CDH12: variants seen among roughly 807,000 people sequenced by gnomAD.
The protein encoded by CDH12 is cadherin 12, also known as cadherin-12.
CDH12 carries 41 observed loss-of-function variants against 74.1 expected under a neutral mutation model. That is an observed-to-expected ratio of 0.55 (90% CI 0.43 to 0.72). The LOEUF is 0.72. CDH12 is among the 30% of genes least tolerant of loss of function. The pLI is 0.00. For missense variants in CDH12, 945 were observed against 977.2 expected (o/e 0.97, Z 0.44); for synonymous variants, 399 against 355.0 (o/e 1.12, Z -1.39).
rs1172195907 is a variant in CDH12, at chr5:22,516,206, T to C, written c.-522-10842A>G. On this transcript the variant is annotated intron_variant, in intron 1 of 14. Transcript: ENST00000382254. ...TGAGAATGTGGCAAACAATTGAATA[T>C]TCATATAATACTGACAAAAATATAA... Among the ~76,000 whole-genome samples the C allele has an allele frequency of 2.6e-5, 4 of 152,204 alleles. No homozygotes were observed. The East Asian group carries it at 5.8e-4, about 22-fold the overall frequency.
chr5:22,273,702 A>C (rs531985172), intron 3 of CDH12, among the ~76,000 whole-genome samples: 17 of 152,274 alleles, frequency 1.1e-4, no homozygotes. Context: ...AAAGTTATCA[A>C]AATGTGTTGC....
chr5:22,028,515 C>T (rs1307746987), intron 5 of CDH12, among the ~76,000 whole-genome samples: 2 of 152,112 alleles, frequency 1.3e-5, no homozygotes, highest in African/African-American at 4.8e-5. Flanking sequence ...TTCACAATTG[C>T]TTCAAAGAGA....
At chr5:22,492,865 T>G (rs1376966582) in intron 2 of CDH12, among the ~76,000 whole-genome samples, 2 of 152,082 alleles carry the variant, frequency 1.3e-5, no homozygotes, top group East Asian at 3.9e-4. Flanking sequence ...AATCCTGCCA[T>G]TTCCTTGCTC....
intron 1 of CDH12, among the ~76,000 whole-genome samples, chr5:22,594,097 C>G (rs1736478251): frequency 6.6e-6 from 1 of 152,074 alleles, no homozygotes; most frequent in Non-Finnish European, 1.5e-5. Flanking sequence ...GGCCTGATAC[C>G]CAAAAAGGAA....
At chr5:22,578,090 A>G (rs566565477) in intron 1 of CDH12, among the ~76,000 whole-genome samples, 2 of 152,306 alleles carry the variant, frequency 1.3e-5, no homozygotes, top group South Asian at 2.1e-4. Flanking sequence ...AAGTATTGTC[A>G]TCACTCTTAC....
At chr5:21,778,417 CATATGTTGTG>C (rs1401481277) in intron 11 of CDH12, among the ~76,000 whole-genome samples, 1 of 127,344 alleles carries the variant, frequency 7.9e-6, no homozygotes, top group Non-Finnish European at 1.6e-5. Context: ...ACTCACTTCT[CATATGTTGTG>C]ATAATATCAT....
intron 1 of CDH12, among the ~76,000 whole-genome samples, chr5:22,655,442 T>G (rs1205063128): frequency 6.6e-6 from 1 of 152,244 alleles, no homozygotes; most frequent in Non-Finnish European, 1.5e-5. Context: ...ATTTAATACA[T>G]GATTACTTCA....
intron 1 of CDH12, among the ~76,000 whole-genome samples, chr5:22,747,873 A>C (rs897145316): frequency 2.0e-5 from 3 of 152,158 alleles, no homozygotes; most frequent in Admixed American, 2.0e-4. Context: ...TAGCTATAGG[A>C]ATAGGGTGTG....
chr5:22,725,294 T>A (rs1744103243), intron 1 of CDH12, among the ~76,000 whole-genome samples: 1 of 151,934 alleles, frequency 6.6e-6, no homozygotes. Flanking sequence ...AAATTTATGA[T>A]AGTAGCTATT....
At chr5:22,184,768 C>A (rs1749839320) in intron 4 of CDH12, among the ~76,000 whole-genome samples, 1 of 152,136 alleles carries the variant, frequency 6.6e-6, no homozygotes, top group South Asian at 2.1e-4. Context: ...TCATTCCCCC[C>A]AACAGTAGTC....
intron 3 of CDH12, among the ~76,000 whole-genome samples, chr5:22,232,498 A>T (rs935295521): frequency 2.0e-5 from 3 of 152,090 alleles, no homozygotes; most frequent in African/African-American, 4.8e-5. Flanking sequence ...GAATCATTGC[A>T]TCTAGCAACG....
At chr5:22,460,894 T>C (rs1267750541) in intron 2 of CDH12, among the ~76,000 whole-genome samples, 1 of 150,854 alleles carries the variant, frequency 6.6e-6, no homozygotes, top group Non-Finnish European at 1.5e-5. Flanking sequence ...CTAGTATTTG[T>C]ATTTTTAGTA....
rs11465147 is a variant in CDH12 at position 21,771,196 on chromosome 5, G to GTT, written c.1394-6099_1394-6098dup. Among the ~76,000 whole-genome samples, 350 of 147,740 alleles carry GTT rather than the reference G, an allele frequency of 2.4e-3. 5 individuals are homozygous for GTT. The highest frequency in any genetic ancestry group is 0.015 in the East Asian group (78 of 5,046). On this transcript the variant is annotated intron_variant, in intron 11 of 14. Coordinates refer to ENST00000382254, the MANE Select transcript of CDH12 (RefSeq NM_004061.5). ...ATGTACCCTTGAACCTAAAATGAAA[G>GTT]TTTTTTTTTTTTAAAGTTAAAATTC...
chr5:22,275,438 G>C (rs1002127505), intron 3 of CDH12, among the ~76,000 whole-genome samples: 1 of 152,058 alleles, frequency 6.6e-6, no homozygotes, highest in Admixed American at 6.6e-5. Flanking sequence ...ACTCAATCAT[G>C]TTATGAAAAT....
At chr5:21,813,417 T>C (rs1747862249) in intron 9 of CDH12, among the ~76,000 whole-genome samples, 1 of 152,008 alleles carries the variant, frequency 6.6e-6, no homozygotes, top group South Asian at 2.1e-4. Flanking sequence ...GAGACAGAGG[T>C]TGCAGTGAGC....
chr5:22,041,285 A>G (rs1362053459), intron 5 of CDH12, among the ~76,000 whole-genome samples: 1 of 152,136 alleles, frequency 6.6e-6, no homozygotes, highest in Non-Finnish European at 1.5e-5. Flanking sequence ...ACAACTAGAA[A>G]GCAACTGACA....
At chr5:22,292,672 A>G (rs546616761) in intron 3 of CDH12, among the ~76,000 whole-genome samples, 2 of 151,828 alleles carry the variant, frequency 1.3e-5, no homozygotes, top group Non-Finnish European at 2.9e-5. Flanking sequence ...GGTAAATAAA[A>G]CTTGCTTAAC....
Position 22,621,660 on chromosome 5 carries a change from T to C in CDH12, c.-522-116296A>G, listed in dbSNP as rs74920055. On this transcript the variant is annotated intron_variant, in intron 1 of 14. Coordinates refer to ENST00000382254, the MANE Select transcript of CDH12 (RefSeq NM_004061.5). ...ATCAAGAAAATAAGAAATGTGTTCA[T>C]TGATAACATTAGAAATAATAAATAC... Among the ~76,000 whole-genome samples the C allele has an allele frequency of 9.6e-4, 146 of 152,236 alleles. 1 individual carries two copies. In the East Asian group the frequency reaches 0.026, roughly 27 times the overall value.
At chr5:22,132,264 GTC>G (rs1473205040) in intron 4 of CDH12, among the ~76,000 whole-genome samples, 4 of 151,902 alleles carry the variant, frequency 2.6e-5, no homozygotes, top group Non-Finnish European at 5.9e-5. Flanking sequence ...GAGGAGGAGA[GTC>G]TGATGGAGGA....
Sources: gnomAD v4.1 joint callset for allele counts (sites outside exome capture counted in the v4.1 genomes callset) on GRCh38, gnomAD v4.1.1 for gene constraint, MANE v1.5 for transcripts, NCBI Gene and HGNC (gene_info 2026-07-23, HGNC 2026-07-21) for gene names.